The following NUP210L variants were observed in gnomAD, a reference collection of about 807,000 sequenced individuals.
NUP210L encodes the protein nuclear pore membrane glycoprotein 210-like.
Under a neutral mutation model 208.5 loss-of-function variants are expected in NUP210L, and 74 were observed. The observed-to-expected ratio is 0.35, with a 90% CI of 0.29 to 0.43. The LOEUF (loss-of-function observed/expected upper bound fraction) is 0.43, where lower values mean the gene tolerates loss of function less well. NUP210L is among the 20% of genes least tolerant of loss of function. NUP210L has a pLI of 1.00. For synonymous variants in NUP210L, 780 were observed against 816.9 expected (o/e 0.95, Z 0.77); for missense variants, 1,843 against 2,289.4 (o/e 0.81, Z 3.98).
chr1:154,032,477 C>T (rs1266928506), intron 27 of NUP210L, among the ~76,000 whole-genome samples: 2 of 152,030 alleles, frequency 1.3e-5, no homozygotes, highest in African/African-American at 4.8e-5. Flanking sequence ...TTTTCATATA[C>T]CTGTTTGCCA....
intron 7 of NUP210L, among the ~76,000 whole-genome samples, chr1:154,130,111 G>C (rs1658167718): frequency 6.6e-6 from 1 of 152,044 alleles, no homozygotes; most frequent in Admixed American, 6.5e-5. Context: ...GGCCGAGGTG[G>C]GTGGACTGTC....
At chr1:154,104,279 GAT>G in intron 12 of NUP210L, 69 bp from the exon 13 acceptor site, 1 of 1,273,668 alleles carries the variant, frequency 7.9e-7, no homozygotes, top group East Asian at 2.3e-5. Context: ...GGAGAAGCAA[GAT>G]GGCCAAATAG....
intron 10 of NUP210L, among the ~76,000 whole-genome samples, chr1:154,125,685 G>A (rs1657881934): frequency 1.1e-4 from 1 of 9,262 alleles, no homozygotes; most frequent in African/African-American, 2.5e-4. Context: ...AAGGAAGGAA[G>A]GAAGGAAGGA....
chr1:154,077,676 T>G (rs1456753440), intron 16 of NUP210L, among the ~76,000 whole-genome samples: 1 of 152,208 alleles, frequency 6.6e-6, no homozygotes, highest in Non-Finnish European at 1.5e-5. Flanking sequence ...ATTCTTTTTT[T>G]CTATCTGATT....
At chr1:154,044,672 C>G (rs778332661) in intron 27 of NUP210L, among the ~76,000 whole-genome samples, 4 of 152,088 alleles carry the variant, frequency 2.6e-5, no homozygotes, top group Non-Finnish European at 5.9e-5. Context: ...GCTCCTGTAA[C>G]CCCTCTATTA....
At position 154,001,989 on chromosome 1, in the gene NUP210L, G is replaced by GA. The variant is rs746505953; in HGVS notation, c.4931-5dup. 2.1e-5 allele frequency: 33 copies of GA among 1,605,718 alleles called. 1 individual carries two copies. Among genetic ancestry groups the GA allele is most frequent in the Middle Eastern group, 1.7e-4 (1 of 6,022 alleles). On this transcript the variant is annotated splice_polypyrimidine_tract_variant and splice_region_variant and intron_variant, in intron 35 of 39. Transcript: ENST00000368559. ...TTGATTATGCAGACATAAACCCCTGGAAAAAAAAGAGGAAAAACTGAGCAG... is the reference window on the plus strand; with the variant it reads ...TTGATTATGCAGACATAAACCCCTGGAAAAAAAAAGAGGAAAAACTGAGCAG...
intron 27 of NUP210L, among the ~76,000 whole-genome samples, chr1:154,034,266 T>C (rs1471133791): frequency 1.3e-5 from 2 of 152,166 alleles, no homozygotes; most frequent in Non-Finnish European, 2.9e-5. Flanking sequence ...GTATTAGTTC[T>C]CCTTTAAATG....
At chr1:154,089,191 A>G (rs1655774849) in intron 16 of NUP210L, among the ~76,000 whole-genome samples, 1 of 152,124 alleles carries the variant, frequency 6.6e-6, no homozygotes, top group African/African-American at 2.4e-5. Context: ...TAGTTCATTC[A>G]ATGTTGATAA....
chr1:154,151,905 A>G (rs918242165), intron 2 of NUP210L, among the ~76,000 whole-genome samples: 2 of 151,760 alleles, frequency 1.3e-5, no homozygotes, highest in Admixed American at 6.6e-5. Context: ...CCTGACCAAC[A>G]TGGAGAAACC....
chr1:154,055,191 T>A (rs867133142), intron 23 of NUP210L, among the ~76,000 whole-genome samples: 1 of 135,058 alleles, frequency 7.4e-6, no homozygotes, highest in Non-Finnish European at 1.6e-5. Flanking sequence ...TTCTTTCTTT[T>A]TCTTTCTTTC....
In NUP210L at chr1:154,086,223, AG is replaced by A. The variant is rs200032730; in HGVS notation, c.2361+3197del. Among the ~76,000 whole-genome samples, 92 of 150,576 alleles carry A rather than the reference AG, an allele frequency of 6.1e-4. 4 individuals carry two copies. Among genetic ancestry groups the A allele is most frequent in the East Asian group, 9.7e-4 (5 of 5,170 alleles). On this transcript the variant is annotated intron_variant, in intron 16 of 39. Coordinates refer to ENST00000368559, the Ensembl canonical transcript of NUP210L. ...TGAGACTCAGTCTCAAAAAAAAAAAAGAAAGAAAGAAAAGAAAAGAAAAAAA... is the reference window on the plus strand; with the variant it reads ...TGAGACTCAGTCTCAAAAAAAAAAAAAAAGAAAGAAAAGAAAAGAAAAAAA...
Position 154,118,658 on chromosome 1 carries a change from T to C in NUP210L, c.1464+13A>G, listed in dbSNP as rs370558426. ...CGGCTTATCTCCTTGTGAAGCCTTA[T>C]AGGACACCATACCTGTACTTTATAA... is the stretch of plus-strand genomic sequence containing the variant. On this transcript the variant is annotated intron_variant, in intron 11 of 39. Coordinates refer to ENST00000368559, the Ensembl canonical transcript of NUP210L. 2.2e-5 allele frequency: 34 copies of C among 1,511,804 alleles called. No individual in the cohort carries two copies. Among genetic ancestry groups the C allele is most frequent in the Middle Eastern group, 1.8e-4 (1 of 5,616 alleles). 93.6% of individuals were successfully genotyped at this position (1,511,804 alleles called of 1,614,324 possible). A position where few individuals can be genotyped will look rare whatever the true frequency, so the allele number is the denominator to read the frequency against.
At chr1:154,060,437 T>C (rs1654074902) in intron 20 of NUP210L, 103 bp downstream of exon 20, 1 of 709,070 alleles carries the variant, frequency 1.4e-6, no homozygotes, top group Non-Finnish European at 2.4e-6. Flanking sequence ...AAGGAAAATG[T>C]TACTTCTGTA....
At chr1:154,143,425 G>A in intron 3 of NUP210L, 21 bp downstream of exon 3, 1 of 1,602,770 alleles carries the variant, frequency 6.2e-7, no homozygotes, top group South Asian at 1.1e-5. Flanking sequence ...TAATTTTGTT[G>A]AATCCTCTGA....
exon 32 of NUP210L, chr1:154,022,314 T>C (rs775878129): frequency 1.2e-6 from 2 of 1,614,130 alleles, no homozygotes; most frequent in East Asian, 4.5e-5. Context: ...ATAGTTCTTA[T>C]TCCCTGGTCC....
intron 16 of NUP210L, among the ~76,000 whole-genome samples, chr1:154,085,029 C>T (rs1368309646): frequency 7.1e-6 from 1 of 141,090 alleles, no homozygotes; most frequent in African/African-American, 2.6e-5. Context: ...GGATTACAGG[C>T]GTGAGCCACA....
chr1:154,115,227 C>T (rs1657260659), intron 12 of NUP210L, among the ~76,000 whole-genome samples: 1 of 152,118 alleles, frequency 6.6e-6, no homozygotes, highest in African/African-American at 2.4e-5. Context: ...CTTACCATAC[C>T]ATTGACCTGT....
chr1:154,009,317 C>T (rs1158992452), intron 35 of NUP210L, among the ~76,000 whole-genome samples: 2 of 152,064 alleles, frequency 1.3e-5, no homozygotes, highest in Non-Finnish European at 2.9e-5. Flanking sequence ...TAATCCTATT[C>T]TTTTATTTGG....
At chr1:154,133,537 TAA>T (rs144993679) in intron 7 of NUP210L, among the ~76,000 whole-genome samples, 27 of 130,518 alleles carry the variant, frequency 2.1e-4, no homozygotes, top group Admixed American at 2.3e-4. Context: ...ACTCTATCTC[TAA>T]AAAAAAAAAA....
Sources: gnomAD v4.1 joint callset for allele counts (sites outside exome capture counted in the v4.1 genomes callset) on GRCh38, gnomAD v4.1.1 for gene constraint, MANE v1.5 for transcripts, NCBI Gene and HGNC (gene_info 2026-07-23, HGNC 2026-07-21) for gene names.